Variants in KCNH1 observed in about 807,000 individuals in gnomAD.
The protein encoded by KCNH1 is potassium voltage-gated channel subfamily H member 1.
Under a neutral mutation model 69.2 loss-of-function variants are expected in KCNH1, and 27 were observed. The observed-to-expected ratio is 0.39, with a 90% confidence interval of 0.29 to 0.54. The LOEUF is 0.54. Ranked by LOEUF, KCNH1 falls within the 20% of genes least tolerant of loss-of-function variation. The pLI is 0.68. For synonymous variants in KCNH1, 456 were observed against 487.7 expected (o/e 0.93, Z 0.86); for missense variants, 798 against 1,261.6 (o/e 0.63, Z 5.57).
chr1:210,700,138 A>G (rs1338013853), intron 10 of KCNH1, among the ~76,000 whole-genome samples: 2 of 152,314 alleles, frequency 1.3e-5, no homozygotes, highest in South Asian at 2.1e-4. Context: ...GCCACCCAAG[A>G]TGGTGTTCAA....
chr1:211,121,098 T>C (rs1253336618), intron 1 of KCNH1, among the ~76,000 whole-genome samples: 1 of 152,306 alleles, frequency 6.6e-6, no homozygotes, highest in East Asian at 1.9e-4. Flanking sequence ...AAAATGGCCA[T>C]ACTGCCCAAA....
At chr1:210,795,569 CAA>C (rs1302574374) in intron 9 of KCNH1, among the ~76,000 whole-genome samples, 2 of 151,958 alleles carry the variant, frequency 1.3e-5, no homozygotes, top group Admixed American at 1.3e-4. Context: ...GGCTTAGGAC[CAA>C]AAAACAAGAA....
chr1:211,053,966 A>G (rs1690255057), intron 5 of KCNH1, among the ~76,000 whole-genome samples: 1 of 152,218 alleles, frequency 6.6e-6, no homozygotes, highest in South Asian at 2.1e-4. Context: ...CAGAATTTCC[A>G]GAAATAAAAA....
chr1:210,961,929 G>C (rs1370500484), intron 6 of KCNH1, among the ~76,000 whole-genome samples: 1 of 152,088 alleles, frequency 6.6e-6, no homozygotes, highest in Non-Finnish European at 1.5e-5. Context: ...TTCCATGCTA[G>C]TTGATGGGAA....
intron 7 of KCNH1, among the ~76,000 whole-genome samples, chr1:210,808,487 C>T (rs1539532): frequency 6.6e-6 from 1 of 152,000 alleles, no homozygotes; most frequent in East Asian, 1.9e-4. Context: ...ATTACAATTA[C>T]TATTATGAAA....
intron 10 of KCNH1, among the ~76,000 whole-genome samples, chr1:210,706,041 T>C (rs186895020): frequency 6.6e-6 from 1 of 152,350 alleles, no homozygotes; most frequent in East Asian, 1.9e-4. Flanking sequence ...GATTGAGACT[T>C]GGAGTGGTTA....
intron 6 of KCNH1, among the ~76,000 whole-genome samples, chr1:210,977,692 C>T (rs1406230998): frequency 1.3e-5 from 2 of 152,112 alleles, no homozygotes; most frequent in African/African-American, 4.8e-5. Context: ...AAAAAATATT[C>T]TTTGACCCAA....
chr1:211,115,026 T>C (rs1405407181), intron 1 of KCNH1, among the ~76,000 whole-genome samples: 1 of 152,012 alleles, frequency 6.6e-6, no homozygotes, highest in Non-Finnish European at 1.5e-5. Flanking sequence ...TAGAGTGCAG[T>C]GGTGCAATCT....
intron 7 of KCNH1, among the ~76,000 whole-genome samples, chr1:210,874,125 G>GA (rs1033834524): frequency 3.3e-5 from 5 of 151,234 alleles, no homozygotes; most frequent in South Asian, 2.1e-4. Flanking sequence ...AGGAGTCAAA[G>GA]AAAAAAAAAG....
At chr1:210,886,033 C>T (rs1686596899) in intron 7 of KCNH1, among the ~76,000 whole-genome samples, 1 of 152,210 alleles carries the variant, frequency 6.6e-6, no homozygotes, top group African/African-American at 2.4e-5. Flanking sequence ...CAGCACAGCA[C>T]TTGAGCTCTG....
At chr1:210,740,871 G>A (rs1023493012) in intron 10 of KCNH1, among the ~76,000 whole-genome samples, 4 of 152,086 alleles carry the variant, frequency 2.6e-5, no homozygotes, top group East Asian at 1.9e-4. Context: ...CACAATCACC[G>A]TGATGGAGGA....
chr1:210,898,361 C>T (rs555872418), intron 7 of KCNH1, among the ~76,000 whole-genome samples: 34 of 152,292 alleles, frequency 2.2e-4, no homozygotes, highest in African/African-American at 7.9e-4. Flanking sequence ...TAAACCTCAG[C>T]CCCACAGAAG....
At chr1:210,898,680 G>GT (rs1558516764) in intron 7 of KCNH1, among the ~76,000 whole-genome samples, 11 of 142,622 alleles carry the variant, frequency 7.7e-5, no homozygotes, top group Admixed American at 1.4e-4. Flanking sequence ...AGGCGTGGCG[G>GT]CGGGGGGGGG....
At chr1:210,882,373 A>T (rs552654798) in intron 7 of KCNH1, among the ~76,000 whole-genome samples, 1 of 152,258 alleles carries the variant, frequency 6.6e-6, no homozygotes, top group South Asian at 2.1e-4. Flanking sequence ...TTAAATTCCC[A>T]TCAAGGGAGG....
intron 10 of KCNH1, among the ~76,000 whole-genome samples, chr1:210,739,975 GA>G (rs148773072): frequency 0.012 from 1,752 of 152,038 alleles, 37 homozygotes; most frequent in African/African-American, 0.037. Context: ...ACCAGGGGGG[GA>G]AAAAAACACA....
intron 6 of KCNH1, among the ~76,000 whole-genome samples, chr1:210,947,825 G>A (rs908150348): frequency 1.3e-5 from 2 of 152,298 alleles, no homozygotes; most frequent in East Asian, 1.9e-4. Flanking sequence ...TTTGTTATCT[G>A]TGTGATCTTG....
chr1:210,966,550 T>C (rs572450072), intron 6 of KCNH1, among the ~76,000 whole-genome samples: 2 of 152,154 alleles, frequency 1.3e-5, no homozygotes, highest in South Asian at 2.1e-4. Context: ...CATCAAAAAG[T>C]GGGCAAAGGA....
At chr1:211,060,035 T>G (rs1256749296) in intron 5 of KCNH1, among the ~76,000 whole-genome samples, 1 of 152,128 alleles carries the variant, frequency 6.6e-6, no homozygotes, top group Non-Finnish European at 1.5e-5. Flanking sequence ...TCAAGTATCT[T>G]CTCTGATCAC....
At chr1:210,881,017 AT>A (rs760625361) in intron 7 of KCNH1, among the ~76,000 whole-genome samples, 1,651 of 112,452 alleles carry the variant, frequency 0.015, 24 homozygotes, top group African/African-American at 0.04. Context: ...AAACAGTAAT[AT>A]TTTTTTTTTT....
Sources: gnomAD v4.1 joint callset for allele counts (sites outside exome capture counted in the v4.1 genomes callset) on GRCh38, gnomAD v4.1.1 for gene constraint, MANE v1.5 for transcripts, NCBI Gene and HGNC (gene_info 2026-07-23, HGNC 2026-07-21) for gene names.